NRG3: variants seen among roughly 807,000 people sequenced by gnomAD.
The protein encoded by NRG3 is neuregulin 3.
A neutral mutation model predicts 66.9 loss-of-function variants in NRG3; 31 were observed. That is an observed-to-expected ratio of 0.46 (90% CI 0.35 to 0.63). The LOEUF (loss-of-function observed/expected upper bound fraction) is 0.63. NRG3 is among the 20% of genes least tolerant of loss of function. NRG3 has a pLI of 0.00. For synonymous variants in NRG3, 393 were observed against 359.4 expected (o/e 1.09, Z -1.06); for missense variants, 910 against 878.9 (o/e 1.04, Z -0.45).
chr10:82,632,649 T>TTTTCCTTGGTAAATA (rs2049921436), intron 2 of NRG3, among the ~76,000 whole-genome samples: 1 of 152,218 alleles, frequency 6.6e-6, no homozygotes. Flanking sequence ...TATTATATAA[T>TTTTCCTTGGTAAATA]TTTCCTTGGT....
At chr10:82,322,074 T>C (rs933544767) in intron 1 of NRG3, among the ~76,000 whole-genome samples, 4 of 152,224 alleles carry the variant, frequency 2.6e-5, no homozygotes, top group Non-Finnish European at 5.9e-5. Context: ...CCTGGCATAG[T>C]ACAGTTTTTA....
At chr10:82,402,328 G>A (rs995297515) in intron 2 of NRG3, among the ~76,000 whole-genome samples, 1 of 152,050 alleles carries the variant, frequency 6.6e-6, no homozygotes, top group Non-Finnish European at 1.5e-5. Context: ...GAAATTTCAG[G>A]CCAAGAAGAA....
At chr10:81,882,276 T>C (rs1330294467) in intron 1 of NRG3, among the ~76,000 whole-genome samples, 1 of 152,046 alleles carries the variant, frequency 6.6e-6, no homozygotes, top group Non-Finnish European at 1.5e-5. Context: ...GGCAGTGTGG[T>C]GGCAGCCAGT....
intron 2 of NRG3, among the ~76,000 whole-genome samples, chr10:82,449,528 C>A (rs1360876774): frequency 1.3e-5 from 2 of 152,180 alleles, no homozygotes; most frequent in African/African-American, 4.8e-5. Flanking sequence ...GGAAAGAATT[C>A]ATAATCACAA....
At chr10:82,543,858 A>AG (rs2043715222) in intron 2 of NRG3, among the ~76,000 whole-genome samples, 1 of 152,164 alleles carries the variant, frequency 6.6e-6, no homozygotes, top group Admixed American at 6.5e-5. Flanking sequence ...CATCTGGCTT[A>AG]GGGGGATAAG....
At chr10:82,757,822 A>AT (rs922964790) in intron 3 of NRG3, among the ~76,000 whole-genome samples, 101 of 151,740 alleles carry the variant, frequency 6.7e-4, no homozygotes, top group East Asian at 6.6e-3. Context: ...CTCTAATGGA[A>AT]TTTTTTTTTA....
At chr10:82,354,687 G>A (rs987183147) in intron 1 of NRG3, among the ~76,000 whole-genome samples, 1 of 152,054 alleles carries the variant, frequency 6.6e-6, no homozygotes, top group Non-Finnish European at 1.5e-5. Context: ...CCACCGCGCT[G>A]GGCCAAAATT....
Position 82,082,581 on chromosome 10 carries a change from A to T in NRG3, c.823+206418A>T, listed in dbSNP as rs75177220. Among the ~76,000 whole-genome samples the T allele has an allele frequency of 1.2e-3, 184 of 152,236 alleles. 1 individual carries two copies. Among genetic ancestry groups the T allele is most frequent in the African/African-American group, 4.3e-3 (179 of 41,534 alleles). Reference sequence around the variant, plus strand: ...GATAGAGATCAGGGAAAAAATAAAGACTGCAGATTTGGGGCTGTATCCATG... The same window carrying T: ...GATAGAGATCAGGGAAAAAATAAAGTCTGCAGATTTGGGGCTGTATCCATG... On this transcript the variant is annotated intron_variant, in intron 1 of 8. Coordinates refer to ENST00000372141, the MANE Select transcript of NRG3 (RefSeq NM_001010848.4).
chr10:82,707,274 C>T (rs1417869985), intron 2 of NRG3, among the ~76,000 whole-genome samples: 1 of 149,618 alleles, frequency 6.7e-6, no homozygotes. Flanking sequence ...TTTCTAATGC[C>T]ACCACTGGCT....
At chr10:82,953,819 A>G (rs1176877725) in intron 5 of NRG3, among the ~76,000 whole-genome samples, 3 of 151,732 alleles carry the variant, frequency 2.0e-5, no homozygotes. Context: ...TGAGCCAGGC[A>G]TGGTGGTGAG....
intron 2 of NRG3, among the ~76,000 whole-genome samples, chr10:82,652,162 C>A (rs987056826): frequency 6.6e-6 from 1 of 152,152 alleles, no homozygotes; most frequent in East Asian, 1.9e-4. Context: ...AGGGTGCCAG[C>A]AGGAGTGAAC....
At chr10:82,548,975 T>G (rs950045364) in intron 2 of NRG3, among the ~76,000 whole-genome samples, 1 of 152,008 alleles carries the variant, frequency 6.6e-6, no homozygotes, top group Non-Finnish European at 1.5e-5. Context: ...ATTGGGTGAG[T>G]GCAAGACAAA....
At chr10:82,351,799 G>A (rs2083452540) in intron 1 of NRG3, among the ~76,000 whole-genome samples, 1 of 152,160 alleles carries the variant, frequency 6.6e-6, no homozygotes, top group Admixed American at 6.6e-5. Context: ...CAGAGACAAG[G>A]CCACTCTGCA....
intron 1 of NRG3, among the ~76,000 whole-genome samples, chr10:82,328,402 A>G (rs2081976831): frequency 6.6e-6 from 1 of 152,214 alleles, no homozygotes; most frequent in Non-Finnish European, 1.5e-5. Flanking sequence ...ATAATAGTAC[A>G]TATTTACAGG....
At chr10:82,386,430 A>G (rs990901624) in intron 2 of NRG3, among the ~76,000 whole-genome samples, 1 of 152,198 alleles carries the variant, frequency 6.6e-6, no homozygotes, top group Non-Finnish European at 1.5e-5. Flanking sequence ...GGACAAGTTG[A>G]GCTGGAGAAT....
intron 2 of NRG3, among the ~76,000 whole-genome samples, chr10:82,370,864 T>G (rs187678861): frequency 2.3e-4 from 35 of 152,218 alleles, no homozygotes; most frequent in Non-Finnish European, 4.4e-4. Context: ...ATATGTTTAT[T>G]TTTTTAATGC....
intron 1 of NRG3, among the ~76,000 whole-genome samples, chr10:81,937,848 T>C (rs1425195900): frequency 6.6e-6 from 1 of 152,114 alleles, no homozygotes; most frequent in Non-Finnish European, 1.5e-5. Context: ...TCTCCCCTGA[T>C]TCATCCAGTA....
At chr10:82,398,438 G>A (rs954583100) in intron 2 of NRG3, among the ~76,000 whole-genome samples, 3 of 151,914 alleles carry the variant, frequency 2.0e-5, no homozygotes, top group Non-Finnish European at 4.4e-5. Flanking sequence ...GAACAAGTGA[G>A]ATCAAACAAC....
intron 2 of NRG3, among the ~76,000 whole-genome samples, chr10:82,362,365 G>GTGTGTGTGTGTGTGTGTT (rs1162676365): frequency 1.1e-4 from 13 of 119,808 alleles, no homozygotes; most frequent in African/African-American, 5.4e-4. Flanking sequence ...GTGTGTGTGT[G>GTGTGTGTGTGTGTGTGTT]TGTGTGTGTG....
Sources: allele counts gnomAD v4.1 joint callset (sites outside exome capture counted in the v4.1 genomes callset), GRCh38; gene constraint gnomAD v4.1.1; transcripts MANE v1.5; gene names NCBI Gene and HGNC (gene_info 2026-07-23, HGNC 2026-07-21).